The following TMEM132D variants were observed in gnomAD, a reference collection of about 807,000 sequenced individuals.
The protein encoded by TMEM132D is mature OL transmembrane protein.
In TMEM132D, 21 loss-of-function variants were observed where a neutral mutation model predicts 62.3. The ratio of observed to expected loss-of-function variants is 0.34; its 90% CI spans 0.24 to 0.49. The LOEUF (loss-of-function observed/expected upper bound fraction) is 0.49. Ranked by LOEUF, TMEM132D falls within the 20% of genes least tolerant of loss-of-function variation. The pLI, the probability that TMEM132D is intolerant of heterozygous loss-of-function variation, is 0.99. For synonymous variants in TMEM132D, 621 were observed against 575.6 expected (o/e 1.08, Z -1.13); for missense variants, 1,346 against 1,402.8 (o/e 0.96, Z 0.65).
intron 2 of TMEM132D, among the ~76,000 whole-genome samples, chr12:129,531,701 G>A (rs1876230924): frequency 6.6e-6 from 1 of 152,170 alleles, no homozygotes; most frequent in African/African-American, 2.4e-5. Flanking sequence ...GGGGGCTGAG[G>A]TTCAGATAGG....
chr12:129,338,186 T>C (rs1869355052), intron 3 of TMEM132D, among the ~76,000 whole-genome samples: 1 of 152,236 alleles, frequency 6.6e-6, no homozygotes, highest in African/African-American at 2.4e-5. Context: ...CACAAATTTC[T>C]AGGCAACTTC....
At chr12:129,201,600 A>G (rs1396466461) in intron 5 of TMEM132D, among the ~76,000 whole-genome samples, 4 of 152,214 alleles carry the variant, frequency 2.6e-5, no homozygotes, top group Admixed American at 2.6e-4. Flanking sequence ...CCATAAGAAC[A>G]TATCTCAGGA....
chr12:129,758,462 T>C (rs1565975609), intron 1 of TMEM132D, among the ~76,000 whole-genome samples: 2 of 152,198 alleles, frequency 1.3e-5, no homozygotes, highest in Non-Finnish European at 2.9e-5. Flanking sequence ...TGTGAACCCT[T>C]CTAGCATGTT....
intron 3 of TMEM132D, among the ~76,000 whole-genome samples, chr12:129,391,637 C>G (rs1871292627): frequency 6.6e-6 from 1 of 152,222 alleles, no homozygotes; most frequent in East Asian, 1.9e-4. Context: ...ATACTGGTTA[C>G]ACATTAAAAT....
intron 4 of TMEM132D, among the ~76,000 whole-genome samples, chr12:129,294,007 G>A (rs140120961): frequency 6.6e-5 from 10 of 152,278 alleles, no homozygotes; most frequent in African/African-American, 1.7e-4. Flanking sequence ...TCCTGAAAAC[G>A]AGCAGCATTT....
At chr12:129,370,657 T>C (rs774915003) in intron 3 of TMEM132D, among the ~76,000 whole-genome samples, 1 of 152,216 alleles carries the variant, frequency 6.6e-6, no homozygotes, top group Non-Finnish European at 1.5e-5. Context: ...GATAAATGGA[T>C]AAACAGATGT....
At chr12:129,622,430 G>A (rs1341338212) in intron 2 of TMEM132D, among the ~76,000 whole-genome samples, 1 of 152,140 alleles carries the variant, frequency 6.6e-6, no homozygotes, top group Admixed American at 6.5e-5. Flanking sequence ...AAATTGAAAT[G>A]TGGATAAATT....
chr12:129,105,842 T>G (rs1875481048), intron 5 of TMEM132D, among the ~76,000 whole-genome samples: 1 of 151,120 alleles, frequency 6.6e-6, no homozygotes, highest in African/African-American at 2.5e-5. Flanking sequence ...GTTCAACCAT[T>G]GTGGAAGTCA....
At chr12:129,574,320 G>C (rs552813816) in intron 2 of TMEM132D, among the ~76,000 whole-genome samples, 10 of 151,988 alleles carry the variant, frequency 6.6e-5, no homozygotes, top group Admixed American at 3.9e-4. Context: ...TGATAAACAT[G>C]ACTGCACGTC....
At chr12:129,818,105 T>C (rs1178149232) in intron 1 of TMEM132D, among the ~76,000 whole-genome samples, 3 of 141,104 alleles carry the variant, frequency 2.1e-5, no homozygotes, top group Non-Finnish European at 4.6e-5. Flanking sequence ...TGCGTTTCTA[T>C]GTATGTGTAT....
chr12:129,531,178 G>T lies in TMEM132D; in HGVS notation c.996C>A (p.Ile332=), dbSNP rs371300815. The T allele has an allele frequency of 6.2e-7, 1 of 1,612,722 alleles. No homozygotes were observed. The highest frequency in any genetic ancestry group is 1.3e-5 in the African/African-American group (1 of 74,876). The part of the protein sequence containing the change: ...LRAKVKKGVN[I]IGVRASSPSI... ...AAGGGCTGCTGGCTCGCACGCCGAT[G>T]ATGTTCACGCCTTTCTTCACCTTTG... The change falls in exon 3 of 9, where the codon ATC becomes ATA. Residue 332 remains isoleucine (I), a synonymous_variant. Coordinates refer to ENST00000422113, the MANE Select transcript of TMEM132D (RefSeq NM_133448.3).
At chr12:129,793,198 C>T (rs1314462953) in intron 1 of TMEM132D, among the ~76,000 whole-genome samples, 1 of 151,938 alleles carries the variant, frequency 6.6e-6, no homozygotes, top group Non-Finnish European at 1.5e-5. Flanking sequence ...CAGGCATGAC[C>T]CAACTCACCC....
At chr12:129,311,154 C>G (rs531853528) in intron 4 of TMEM132D, among the ~76,000 whole-genome samples, 2 of 79,628 alleles carry the variant, frequency 2.5e-5, no homozygotes, top group African/African-American at 6.6e-5. Flanking sequence ...GCCGAGATCG[C>G]GCCACTGCAC....
chr12:129,454,160 A>T (rs142335888), intron 3 of TMEM132D, among the ~76,000 whole-genome samples: 1 of 152,210 alleles, frequency 6.6e-6, no homozygotes, highest in East Asian at 1.9e-4. Flanking sequence ...TTTCCTACCG[A>T]GTGCTAAGCA....
At chr12:129,255,647 T>C (rs886629603) in intron 4 of TMEM132D, among the ~76,000 whole-genome samples, 3 of 152,230 alleles carry the variant, frequency 2.0e-5, no homozygotes, top group Non-Finnish European at 2.9e-5. Context: ...CTTATGACTT[T>C]ACGTGTCCTC....
rs532275239 is a variant in TMEM132D at position 129,589,722 on chromosome 12, A to T, written c.969-58517T>A. 1.2e-4 allele frequency among the ~76,000 whole-genome samples: 19 copies of T among 152,284 alleles called. No homozygotes were observed. The South Asian group carries it at 3.9e-3, about 32-fold the overall frequency. ...CAAAGCTTATCGTCATGGGTGGTTGAGCAAATCTACAGCCACAGTCCCTCG... is the reference window on the plus strand; with the variant it reads ...CAAAGCTTATCGTCATGGGTGGTTGTGCAAATCTACAGCCACAGTCCCTCG... On this transcript the variant is annotated intron_variant, in intron 2 of 8. Transcript: ENST00000422113.
At chr12:129,637,683 A>G (rs1879520698) in intron 2 of TMEM132D, among the ~76,000 whole-genome samples, 1 of 152,154 alleles carries the variant, frequency 6.6e-6, no homozygotes. Context: ...TAATGGCCTC[A>G]TGGTTCTGCA....
chr12:129,561,111 G>A (rs993338660), intron 2 of TMEM132D, among the ~76,000 whole-genome samples: 3 of 152,154 alleles, frequency 2.0e-5, no homozygotes, highest in African/African-American at 7.2e-5. Context: ...GAAAATTGGG[G>A]ACTTAATTTG....
At chr12:129,685,898 C>T (rs1423674469) in intron 2 of TMEM132D, among the ~76,000 whole-genome samples, 1 of 152,202 alleles carries the variant, frequency 6.6e-6, no homozygotes, top group Non-Finnish European at 1.5e-5. Flanking sequence ...ATTACCGCTT[C>T]ATTGGATTTT....
Sources: gnomAD v4.1 joint callset for allele counts (sites outside exome capture counted in the v4.1 genomes callset) on GRCh38, gnomAD v4.1.1 for gene constraint, MANE v1.5 for transcripts, NCBI Gene and HGNC (gene_info 2026-07-23, HGNC 2026-07-21) for gene names.